LARS2: variants seen among roughly 807,000 people sequenced by gnomAD.
LARS2 encodes leucyl-tRNA synthetase 2, mitochondrial, also known as leucine--tRNA ligase, mitochondrial.
Under a neutral mutation model 116.6 loss-of-function variants are expected in LARS2, and 81 were observed. That is an observed-to-expected ratio of 0.69 (90% CI 0.58 to 0.84). The LOEUF (loss-of-function observed/expected upper bound fraction) is 0.84, where lower values mean the gene tolerates loss of function less well. Among genes scored for constraint, LARS2 ranks in the 40% least tolerant of loss-of-function variants. The probability of loss-of-function intolerance (pLI) is 0.00; values close to 1 mark genes in which losing one functional copy is unlikely to be tolerated. For synonymous variants in LARS2, 396 were observed against 407.2 expected (o/e 0.97, Z 0.33); for missense variants, 968 against 1,114.5 (o/e 0.87, Z 1.87).
intron 20 of LARS2, among the ~76,000 whole-genome samples, chr3:45,535,841 G>C (rs1377878356): frequency 6.6e-6 from 1 of 152,060 alleles, no homozygotes; most frequent in African/African-American, 2.4e-5. Flanking sequence ...TTGCATTCAT[G>C]TCAACTTCCT....
At chr3:45,509,568 C>T (rs1204138225) in intron 15 of LARS2, 2 of 152,014 alleles carry the variant, frequency 1.3e-5, no homozygotes, top group South Asian at 2.1e-4. Flanking sequence ...TGTAAGCTCT[C>T]CAATTAATTG....
intron 2 of LARS2, among the ~76,000 whole-genome samples, chr3:45,393,198 G>A (rs139260158): frequency 6.6e-6 from 1 of 152,242 alleles, no homozygotes; most frequent in Admixed American, 6.5e-5. Flanking sequence ...GTGACCACAT[G>A]TTATATATTT....
At chr3:45,403,027 C>A (rs376020816) in intron 4 of LARS2, among the ~76,000 whole-genome samples, 1 of 150,168 alleles carries the variant, frequency 6.7e-6, no homozygotes, top group Non-Finnish European at 1.5e-5. Flanking sequence ...ATTGCTTGAA[C>A]CCGGGAGGCA....
Position 45,500,565 on chromosome 3 carries a change from A to T in LARS2, c.1746A>T (p.Lys582Asn). ...RFFSHFCHDQ[K>N]MVKHREPFHK... is the part of the protein sequence containing the mutation. ...TTAGTCATTTTTGCCATGATCAAAA[A>T]ATGGTTAAACATAGGTAAGCACTTA... The change falls in exon 15 of 22, where the codon AAA becomes AAT. Residue 582 changes from lysine (K) to asparagine (N), a missense_variant. Coordinates refer to ENST00000645846, the MANE Select transcript of LARS2 (RefSeq NM_015340.4). The T allele has an allele frequency of 6.4e-7, 1 of 1,569,112 alleles. No individual in the cohort carries two copies. Among genetic ancestry groups the T allele is most frequent in the Non-Finnish European group, 8.6e-7 (1 of 1,164,876 alleles).
At chr3:45,457,998 AG>A (rs1356525585) in intron 7 of LARS2, among the ~76,000 whole-genome samples, 1 of 152,200 alleles carries the variant, frequency 6.6e-6, no homozygotes, top group Non-Finnish European at 1.5e-5. Flanking sequence ...AGAGTTTTCT[AG>A]GGTGCTGGAA....
At chr3:45,409,995 T>A (rs1253947830) in intron 4 of LARS2, among the ~76,000 whole-genome samples, 2 of 152,192 alleles carry the variant, frequency 1.3e-5, no homozygotes, top group Non-Finnish European at 2.9e-5. Flanking sequence ...AATGAATAAG[T>A]GTATTATGTA....
chr3:45,411,470 A>G (rs1698330196), intron 4 of LARS2, among the ~76,000 whole-genome samples: 1 of 152,156 alleles, frequency 6.6e-6, no homozygotes, highest in Non-Finnish European at 1.5e-5. Context: ...TTCAGCCATA[A>G]CCCTATCCTG....
Position 45,529,489 on chromosome 3 carries a change from C to T in LARS2, c.2404+5381C>T, listed in dbSNP as rs539470967. ...GCTTGAACCCAGGAGGCAGAGGTTGCGGTGGGCTGAGATTGCGCCATTGCA... is the reference window on the plus strand; with the variant it reads ...GCTTGAACCCAGGAGGCAGAGGTTGTGGTGGGCTGAGATTGCGCCATTGCA... On this transcript the variant is annotated intron_variant, in intron 20 of 21. Transcript: ENST00000645846. 1.0e-4 allele frequency among the ~76,000 whole-genome samples: 15 copies of T among 148,940 alleles called. No homozygotes were observed. In the South Asian group the frequency reaches 1.5e-3, roughly 15 times the overall value.
chr3:45,425,654 A>G (rs925605912), intron 6 of LARS2, among the ~76,000 whole-genome samples: 29 of 152,236 alleles, frequency 1.9e-4, no homozygotes, highest in African/African-American at 6.8e-4. Flanking sequence ...CACCATCAGC[A>G]CATATATCTT....
chr3:45,512,176 C>A (rs1700301476), intron 15 of LARS2, among the ~76,000 whole-genome samples: 1 of 152,278 alleles, frequency 6.6e-6, no homozygotes, highest in African/African-American at 2.4e-5. Flanking sequence ...TTACCTTGAG[C>A]AACCAAAGCC....
chr3:45,530,649 G>A (rs1700601229), intron 20 of LARS2, among the ~76,000 whole-genome samples: 1 of 152,180 alleles, frequency 6.6e-6, no homozygotes, highest in African/African-American at 2.4e-5. Flanking sequence ...TTTCCTTGAA[G>A]TGGAAAAGAT....
chr3:45,402,778 CTG>C (rs1698174286), intron 4 of LARS2, among the ~76,000 whole-genome samples: 1 of 152,050 alleles, frequency 6.6e-6, no homozygotes, highest in Non-Finnish European at 1.5e-5. Flanking sequence ...TCCCAGATAA[CTG>C]TTTTTCATTA....
intron 8 of LARS2, among the ~76,000 whole-genome samples, chr3:45,473,164 G>C (rs1008644876): frequency 1.3e-5 from 2 of 152,152 alleles, no homozygotes; most frequent in Admixed American, 1.3e-4. Context: ...TTCAGATCAG[G>C]AGCACTGTGG....
At chr3:45,462,303 C>T (rs1167683889) in intron 8 of LARS2, among the ~76,000 whole-genome samples, 3 of 152,004 alleles carry the variant, frequency 2.0e-5, no homozygotes, top group Non-Finnish European at 4.4e-5. Flanking sequence ...AAGAAAAGGG[C>T]TGGGTACCGT....
chr3:45,446,825 CTG>C, intron 6 of LARS2, 64 bp from the exon 7 acceptor site: 1 of 895,032 alleles, frequency 1.1e-6, no homozygotes. Flanking sequence ...AGTTGCAAGA[CTG>C]AGCATGCATG....
At chr3:45,394,381 T>C in intron 2 of LARS2, 52 bp from the exon 3 acceptor site, 1 of 987,410 alleles carries the variant, frequency 1.0e-6, no homozygotes, top group Non-Finnish European at 1.6e-6. Flanking sequence ...AAAGATAAGC[T>C]CTGGGGAGGG....
chr3:45,464,269 G>A lies in LARS2; in HGVS notation c.750+5383G>A, dbSNP rs371650164. Among the ~76,000 whole-genome samples the A allele has an allele frequency of 2.4e-4, 37 of 152,258 alleles. No individual in the cohort carries two copies. The South Asian group carries it at 3.1e-3, about 13-fold the overall frequency. ...CCAGGAGTTCTTTGGAGGAGGTGGC[G>A]GAGGATGTTAGAGCGAAGAGACAGC... is the stretch of plus-strand genomic sequence containing the variant. On this transcript the variant is annotated intron_variant, in intron 8 of 21. Transcript: ENST00000645846.
At chr3:45,543,963 T>C (rs1375838130) in intron 21 of LARS2, among the ~76,000 whole-genome samples, 3 of 152,218 alleles carry the variant, frequency 2.0e-5, no homozygotes, top group Non-Finnish European at 4.4e-5. Flanking sequence ...TAATTTTAGA[T>C]AATCATTGAA....
intron 11 of LARS2, 37 bp from the exon 12 acceptor site, chr3:45,488,660 G>T (rs1408902194): frequency 1.5e-6 from 2 of 1,312,780 alleles, no homozygotes; most frequent in African/African-American, 1.4e-5. Flanking sequence ...TTGGGCACTT[G>T]TGAAGGAAAT....
Sources: allele counts gnomAD v4.1 joint callset (sites outside exome capture counted in the v4.1 genomes callset), GRCh38; gene constraint gnomAD v4.1.1; transcripts MANE v1.5; gene names NCBI Gene and HGNC (gene_info 2026-07-23, HGNC 2026-07-21).